The following DET1 variants were observed in gnomAD, a reference collection of about 807,000 sequenced individuals.
DET1 encodes the protein DET1 homolog.
In DET1, 22 loss-of-function variants were observed where a neutral mutation model predicts 43.7. The ratio of observed to expected loss-of-function variants is 0.50; its 90% confidence interval spans 0.36 to 0.72. The LOEUF (loss-of-function observed/expected upper bound fraction) is 0.72. Among genes scored for constraint, DET1 ranks in the 30% least tolerant of loss-of-function variants. DET1 has a pLI of 0.00. For missense variants in DET1, 713 were observed against 713.3 expected (o/e 1.00, Z 0.00); for synonymous variants, 315 against 266.2 (o/e 1.18, Z -1.79).
intron 4 of DET1, among the ~76,000 whole-genome samples, chr15:88,513,540 G>A (rs962230069): frequency 6.7e-6 from 1 of 149,528 alleles, no homozygotes. Flanking sequence ...ATAAAAAGGG[G>A]AAATTTTAAT....
intron 1 of DET1, among the ~76,000 whole-genome samples, chr15:88,543,811 A>G (rs2057175963): frequency 6.6e-5 from 10 of 152,140 alleles, no homozygotes; most frequent in Admixed American, 6.5e-4. Flanking sequence ...TGGGCTACTC[A>G]CCTCAGCAGG....
intron 8 of DET1, chr15:88,502,329 T>C (rs189600730): frequency 6.6e-6 from 1 of 152,234 alleles, no homozygotes; most frequent in Non-Finnish European, 1.5e-5. Flanking sequence ...TTTCTTTCAG[T>C]AGAAATATGG....
intron 1 of DET1, among the ~76,000 whole-genome samples, chr15:88,545,064 A>C (rs556756464): frequency 3.3e-5 from 5 of 152,250 alleles, no homozygotes; most frequent in African/African-American, 1.2e-4. Context: ...CGAGATACTT[A>C]TCAGTTTTTC....
intron 1 of DET1, among the ~76,000 whole-genome samples, chr15:88,539,607 A>T (rs1327529707): frequency 6.6e-6 from 1 of 152,084 alleles, no homozygotes; most frequent in East Asian, 1.9e-4. Context: ...ATTGCCCAAG[A>T]CGTCTGGGTA....
At chr15:88,526,471 G>A (rs900568525) in intron 3 of DET1, among the ~76,000 whole-genome samples, 3 of 151,936 alleles carry the variant, frequency 2.0e-5, no homozygotes, top group Non-Finnish European at 2.9e-5. Flanking sequence ...TGGCTCATAG[G>A]AGGGCCTTGC....
chr15:88,527,351 T>A (rs1189451898), intron 3 of DET1, among the ~76,000 whole-genome samples: 4 of 152,208 alleles, frequency 2.6e-5, no homozygotes, highest in Non-Finnish European at 5.9e-5. Flanking sequence ...GATATAGCAA[T>A]ACATGAAGAC....
chr15:88,521,825 T>C (rs1310035031), intron 3 of DET1, among the ~76,000 whole-genome samples: 3 of 152,036 alleles, frequency 2.0e-5, no homozygotes, highest in Non-Finnish European at 2.9e-5. Context: ...CAATGTTCTC[T>C]TTATCACCAA....
chr15:88,515,891 T>C (rs533641277), intron 4 of DET1, among the ~76,000 whole-genome samples: 1 of 152,268 alleles, frequency 6.6e-6, no homozygotes, highest in South Asian at 2.1e-4. Flanking sequence ...AGGTTTATTA[T>C]GCTCTTCTAC....
chr15:88,531,115 G>T lies in DET1; in HGVS notation c.591C>A (p.Asp197Glu). 6.2e-7 allele frequency: 1 copy of T among 1,614,022 alleles called. No homozygotes were observed. The highest frequency in any genetic ancestry group is 1.1e-5 in the South Asian group (1 of 91,088). Residue 197 changes from aspartate (D) to glutamate (E), a missense_variant, in exon 2 of 5, where the codon GAC (aspartate) becomes GAA (glutamate). Coordinates refer to ENST00000268148, the MANE Select transcript of DET1 (RefSeq NM_001144074.3). The surrounding 1 kb of genome is among the most constrained non-coding windows in gnomAD (Gnocchi z 6.2). ...PLEDYSLHII[D>E]LHTGRLCDTR... The stretch of plus-strand genomic sequence containing the variant: ...TATCACATAAGCGGCCGGTGTGAAG[G>T]TCAATGATATGGAGGGAATAGTCTT...
At chr15:88,545,724 T>C (rs1438402706) in intron 1 of DET1, among the ~76,000 whole-genome samples, 1 of 151,186 alleles carries the variant, frequency 6.6e-6, no homozygotes, top group South Asian at 2.1e-4. Flanking sequence ...GTGGGGAATG[T>C]AATGCCCAAC....
chr15:88,536,311 C>T (rs377689630), intron 1 of DET1: 30 of 778,018 alleles, frequency 3.9e-5, no homozygotes, highest in Non-Finnish European at 6.7e-5. Context: ...AAGTTGTTTA[C>T]CTTTTTAGTA....
rs971325400 is a variant in DET1 at position 88,531,063 on chromosome 15, C to A, written c.643G>T (p.Val215Phe). 6.2e-7 allele frequency: 1 copy of A among 1,613,800 alleles called. No homozygotes were observed. The highest frequency in any genetic ancestry group is 1.3e-5 in the African/African-American group (1 of 75,042). ...TACAGCCCTTGGTTGTGTGACAAGA[C>A]CACCTTGTCACACTTGAACGTGCGT... ...DTRTFKCDKVVLSHNQGLYLY... is the reference protein window; with the variant it reads ...DTRTFKCDKVFLSHNQGLYLY... Residue 215 changes from valine (V) to phenylalanine (F), a missense_variant, in exon 2 of 5, where the codon GTC (valine) becomes TTC (phenylalanine). Transcript: ENST00000268148. This position sits in a 1 kb window ranked among gnomAD's most constrained non-coding sequence, Gnocchi z 6.2.
At chr15:88,511,014 C>T (rs543385712), downstream of DET1, among the ~76,000 whole-genome samples, 10 of 152,176 alleles carry the variant, frequency 6.6e-5, no homozygotes, top group East Asian at 1.2e-3. Flanking sequence ...TCTCGTGATC[C>T]GCCCGCCTCA....
chr15:88,510,773 T>G (rs1451510936), downstream of DET1, among the ~76,000 whole-genome samples: 3 of 149,190 alleles, frequency 2.0e-5, no homozygotes, highest in South Asian at 4.3e-4. Context: ...TTTTTTTTGT[T>G]TTTTTTTTTT....
At chr15:88,527,165 C>T (rs757827404) in intron 3 of DET1, among the ~76,000 whole-genome samples, 5 of 152,190 alleles carry the variant, frequency 3.3e-5, no homozygotes, top group Non-Finnish European at 5.9e-5. Flanking sequence ...GAGTTCTATA[C>T]TTTGTTTATA....
At chr15:88,521,560 T>C (rs1380939378) in intron 3 of DET1, among the ~76,000 whole-genome samples, 1 of 152,204 alleles carries the variant, frequency 6.6e-6, no homozygotes, top group Non-Finnish European at 1.5e-5. Flanking sequence ...TTGTGGTCTA[T>C]TGAAGTACAT....
rs373374742 is a variant in DET1 at position 88,527,721 on chromosome 15, T to C, written c.1149A>G (p.Ser383=). The C allele has an allele frequency of 6.2e-7, 1 of 1,613,890 alleles. No individual in the cohort carries two copies. Among genetic ancestry groups the C allele is most frequent in the Non-Finnish European group, 8.5e-7 (1 of 1,179,826 alleles). ...TEVIAVFENT[S]DELLELFENF... is the part of the protein sequence containing the mutation. ...TCTCAAAGAGCTCCAAAAGCTCATC[T>C]GATGTATTCTCAAACACAGCAATCA... is the stretch of plus-strand genomic sequence containing the variant. Residue 383 remains serine, a synonymous_variant, in exon 3 of 5, where the codon TCA becomes TCG. Transcript: ENST00000268148.
intron 1 of DET1, among the ~76,000 whole-genome samples, chr15:88,545,635 G>C (rs972888075): frequency 7.3e-6 from 1 of 136,356 alleles, no homozygotes; most frequent in Non-Finnish European, 1.5e-5. Flanking sequence ...ACAATGCATA[G>C]CTTCTGTCAA....
At chr15:88,520,257 AC>A (rs1316054454) in intron 3 of DET1, among the ~76,000 whole-genome samples, 20 of 152,274 alleles carry the variant, frequency 1.3e-4, no homozygotes, top group South Asian at 4.1e-4. Context: ...CAGCTAATGC[AC>A]CACTTTTCAG....
Sources: gnomAD v4.1 joint callset for allele counts (sites outside exome capture counted in the v4.1 genomes callset) on GRCh38, gnomAD v4.1.1 for gene constraint, Gnocchi (gnomAD v3.1) non-coding constraint, MANE v1.5 for transcripts, NCBI Gene and HGNC (gene_info 2026-07-23, HGNC 2026-07-21) for gene names.